The following UBTD1 variants were observed in gnomAD, a reference collection of about 807,000 sequenced individuals.
The protein encoded by UBTD1 is ubiquitin domain containing 1.
A neutral mutation model predicts 21.7 loss-of-function variants in UBTD1; 19 were observed. That is an observed-to-expected ratio of 0.87 (90% confidence interval 0.61 to 1.28). UBTD1 has a LOEUF of 1.28. Ranked by LOEUF, UBTD1 falls within the 50% of genes most tolerant of loss-of-function variation. The pLI is 0.00. For missense variants in UBTD1, 282 were observed against 315.1 expected (o/e 0.89, Z 0.80); for synonymous variants, 116 against 135.1 (o/e 0.86, Z 0.98).
At chr10:97,560,364 A>G (rs748277261) in intron 1 of UBTD1, among the ~76,000 whole-genome samples, 14 of 152,224 alleles carry the variant, frequency 9.2e-5, no homozygotes, top group Non-Finnish European at 1.9e-4. Flanking sequence ...AAAACCTTGT[A>G]AGTTTGGGAT....
intron 1 of UBTD1, among the ~76,000 whole-genome samples, chr10:97,543,150 G>A (rs2040593961): frequency 6.6e-6 from 1 of 152,256 alleles, no homozygotes; most frequent in African/African-American, 2.4e-5. Flanking sequence ...TCATGCTAGA[G>A]TGCAATGCGG....
chr10:97,499,385 C>G, intron 1 of UBTD1, 112 bp downstream of exon 1: 3 of 1,314,538 alleles, frequency 2.3e-6, no homozygotes, highest in Non-Finnish European at 3.0e-6. Context: ...CTTGGGTTTC[C>G]CCGATGGGCT....
chr10:97,529,172 C>CT (rs2040512477), intron 1 of UBTD1, among the ~76,000 whole-genome samples: 4 of 150,532 alleles, frequency 2.7e-5, no homozygotes, highest in Non-Finnish European at 5.9e-5. Context: ...GATGGGCGGC[C>CT]GGGCAGAGAC....
rs549370869 is a variant in UBTD1, at chr10:97,568,904, A to G, written c.298+763A>G. On this transcript the variant is annotated intron_variant, in intron 2 of 2. Transcript: ENST00000370664. ...AGTGGAGCGATCTCGGCTCACCGCA[A>G]CCTGCGCCGCCTGGGTTCAAGTGAT... Among the ~76,000 whole-genome samples the G allele has an allele frequency of 1.1e-3, 170 of 150,574 alleles. 1 individual carries two copies. Among genetic ancestry groups the G allele is most frequent in the African/African-American group, 4.0e-3 (164 of 40,918 alleles).
intron 1 of UBTD1, among the ~76,000 whole-genome samples, chr10:97,558,133 G>C (rs1469480384): frequency 3.3e-5 from 5 of 151,886 alleles, no homozygotes; most frequent in Non-Finnish European, 5.9e-5. Flanking sequence ...TCCCATCCAC[G>C]TACAGCTCCC....
intron 1 of UBTD1, among the ~76,000 whole-genome samples, chr10:97,514,676 C>A (rs1017203922): frequency 5.9e-5 from 9 of 152,104 alleles, no homozygotes; most frequent in African/African-American, 1.9e-4. Flanking sequence ...TCTTCATTGC[C>A]CTCTCTGTGT....
intron 1 of UBTD1, among the ~76,000 whole-genome samples, chr10:97,566,287 A>T (rs572443483): frequency 1.2e-3 from 168 of 142,454 alleles, no homozygotes; most frequent in African/African-American, 3.6e-3. Flanking sequence ...TTTTTTTTTT[A>T]AAACTATTAC....
intron 1 of UBTD1, among the ~76,000 whole-genome samples, chr10:97,554,676 G>A (rs866770443): frequency 9.9e-5 from 15 of 151,920 alleles, no homozygotes; most frequent in Admixed American, 8.5e-4. Flanking sequence ...TCAGCCTCCC[G>A]AGTAGCTGGG....
chr10:97,570,590 C>G lies in UBTD1; in HGVS notation c.*67C>G. 1.3e-6 allele frequency: 2 copies of G among 1,516,918 alleles called. No individual in the cohort carries two copies. Among genetic ancestry groups the G allele is most frequent in the Non-Finnish European group, 1.8e-6 (2 of 1,124,060 alleles). 94.0% of individuals were successfully genotyped at this position (1,516,918 alleles called of 1,614,324 possible). A position where few individuals can be genotyped will look rare whatever the true frequency, so the allele number is the denominator to read the frequency against. On this transcript the variant is annotated 3_prime_UTR_variant, in exon 3 of 3. Transcript: ENST00000370664. The surrounding 1 kb of genome is among the most constrained non-coding windows in gnomAD (Gnocchi z 6.6). ...TAGGCCCCCACCCTGCTGCTGCCTT[C>G]CAGTGCTGTCATTTTCTTCAGGGGC...
At chr10:97,524,676 T>C (rs1042795802) in intron 1 of UBTD1, among the ~76,000 whole-genome samples, 6 of 152,356 alleles carry the variant, frequency 3.9e-5, no homozygotes, top group African/African-American at 1.2e-4. Flanking sequence ...TTCTGTCTCA[T>C]GTAATGGCCC....
rs574552957 is a variant in UBTD1, at chr10:97,560,591, T to G, written c.71-7323T>G. Among the ~76,000 whole-genome samples, 79 of 152,288 alleles carry G rather than the reference T, an allele frequency of 5.2e-4. No individual in the cohort carries two copies. In the South Asian group the frequency reaches 6.8e-3, roughly 13 times the overall value. On this transcript the variant is annotated intron_variant, in intron 1 of 2. Transcript: ENST00000370664. ...GTGCCTTGGCTTACAGGTTACCTTGTGTCATACCTTTGAAACAAGGGACCT... is the reference window on the plus strand; with the variant it reads ...GTGCCTTGGCTTACAGGTTACCTTGGGTCATACCTTTGAAACAAGGGACCT...
At chr10:97,521,138 C>T (rs1252616420) in intron 1 of UBTD1, among the ~76,000 whole-genome samples, 1 of 152,204 alleles carries the variant, frequency 6.6e-6, no homozygotes, top group Non-Finnish European at 1.5e-5. Flanking sequence ...CTGAGCTAAC[C>T]TTGTTATTTA....
chr10:97,525,009 G>A (rs575500804), intron 1 of UBTD1, among the ~76,000 whole-genome samples: 48 of 152,330 alleles, frequency 3.2e-4, no homozygotes, highest in African/African-American at 1.1e-3. Context: ...CTTTGGGTAG[G>A]TAACTAACAG....
chr10:97,504,986 C>G (rs1317216564), intron 1 of UBTD1, among the ~76,000 whole-genome samples: 1 of 152,140 alleles, frequency 6.6e-6, no homozygotes, highest in African/African-American at 2.4e-5. Context: ...GGGGTCCTAA[C>G]CAGGCAGTAG....
chr10:97,558,205 T>C (rs1004922004), intron 1 of UBTD1, among the ~76,000 whole-genome samples: 2 of 151,984 alleles, frequency 1.3e-5, no homozygotes, highest in Non-Finnish European at 1.5e-5. Context: ...CTGAATCCAA[T>C]ACTTCTACAC....
intron 1 of UBTD1, among the ~76,000 whole-genome samples, chr10:97,534,083 C>T (rs994554633): frequency 6.6e-6 from 1 of 152,180 alleles, no homozygotes; most frequent in African/African-American, 2.4e-5. Flanking sequence ...TTCTGGCCAG[C>T]TTCTGCCGCC....
chr10:97,568,058 A>G lies in UBTD1; in HGVS notation c.215A>G (p.Lys72Arg). Residue 72 changes from lysine to arginine, a missense_variant, in exon 2 of 3, where the codon AAG becomes AGG. By Grantham distance (26) the Lys-to-Arg change is conservative. Coordinates refer to ENST00000370664, the MANE Select transcript of UBTD1 (RefSeq NM_024954.5). The part of the protein sequence containing the change: ...EGRKEIWDAL[K>R]AAAYAAEAND... ...CGCAAGGAGATCTGGGATGCCCTCA[A>G]GGCTGCCGCCTATGCTGCTGAAGCC... 1 of 1,613,776 alleles carries G rather than the reference A, an allele frequency of 6.2e-7. No homozygotes were observed. Among genetic ancestry groups the G allele is most frequent in the Non-Finnish European group, 8.5e-7 (1 of 1,180,036 alleles).
At chr10:97,534,490 T>C (rs2040549946) in intron 1 of UBTD1, among the ~76,000 whole-genome samples, 1 of 152,038 alleles carries the variant, frequency 6.6e-6, no homozygotes. Context: ...CAAGGATCTT[T>C]TACTGCGTTT....
intron 1 of UBTD1, among the ~76,000 whole-genome samples, chr10:97,503,175 G>A (rs142101943): frequency 2.6e-5 from 4 of 152,242 alleles, no homozygotes; most frequent in East Asian, 1.9e-4. Flanking sequence ...CTTGGCTTCC[G>A]AAAGTGCTGG....
Sources: allele counts gnomAD v4.1 joint callset (sites outside exome capture counted in the v4.1 genomes callset), GRCh38; gene constraint gnomAD v4.1.1; non-coding constraint Gnocchi (gnomAD v3.1); transcripts MANE v1.5; gene names NCBI Gene and HGNC (gene_info 2026-07-23, HGNC 2026-07-21).